MAGOH: variants seen among roughly 807,000 people sequenced by gnomAD.
MAGOH encodes the protein mago homolog, exon junction complex subunit, also known as protein mago nashi homolog.
Under a neutral mutation model 20.9 loss-of-function variants are expected in MAGOH, and 3 were observed. The observed-to-expected ratio is 0.14, with a 90% confidence interval of 0.07 to 0.37. The LOEUF (loss-of-function observed/expected upper bound fraction) is 0.37. Among genes scored for constraint, MAGOH ranks in the 10% least tolerant of loss-of-function variants. The pLI, the probability that MAGOH is intolerant of heterozygous loss-of-function variation, is 1.00. For missense variants in MAGOH, 66 were observed against 178.1 expected, an observed-to-expected ratio of 0.37 and a Z score of 3.58; for synonymous variants, 51 against 61.0, an observed-to-expected ratio of 0.84 and a Z score of 0.76.
In MAGOH at chr1:53,227,034, C is replaced by CAAAAATA; in HGVS notation, c.*10_*11insTATTTTT. 7.2e-7 allele frequency: 1 copy of CAAAAATA among 1,380,212 alleles called. No homozygotes were observed. Among genetic ancestry groups the CAAAAATA allele is most frequent in the South Asian group, 1.3e-5 (1 of 76,664 alleles). 85.5% of individuals were successfully genotyped at this position (1,380,212 alleles called of 1,614,324 possible). A position where few individuals can be genotyped will look rare whatever the true frequency, so the allele number is the denominator to read the frequency against. ...TCCCACCCACCCCCCATGTCCACACCAATATTCAGTCTAGATTGGTTTAAT... is the reference window on the plus strand; with the variant it reads ...TCCCACCCACCCCCCATGTCCACACCAAAAATAAATATTCAGTCTAGATTGGTTTAAT... On this transcript the variant is annotated 3_prime_UTR_variant, in exon 5 of 5. Coordinates refer to ENST00000371470, the MANE Select transcript of MAGOH (RefSeq NM_002370.4).
chr1:53,230,343 A>G (rs1440094913), intron 3 of MAGOH, among the ~76,000 whole-genome samples: 1 of 152,182 alleles, frequency 6.6e-6, no homozygotes, highest in East Asian at 1.9e-4. Flanking sequence ...TACAAAGTTT[A>G]TGTCCATCTC....
At chr1:53,228,041 A>AC (rs1452671579) in intron 4 of MAGOH, among the ~76,000 whole-genome samples, 1 of 152,206 alleles carries the variant, frequency 6.6e-6, no homozygotes, top group East Asian at 1.9e-4. Context: ...TCTTTGTAGC[A>AC]CATAGGTTCA....
At chr1:53,229,037 A>T in intron 3 of MAGOH, 83 bp from the exon 4 acceptor site, 1 of 948,780 alleles carries the variant, frequency 1.1e-6, no homozygotes, top group Non-Finnish European at 1.7e-6. Context: ...TTGCCAAATC[A>T]CACAAACTTG....
rs111942803 is a variant in MAGOH at position 53,227,232 on chromosome 1, T to C, written c.342-88A>G. ...AGGAAAAGACTATATATTAAAACGG[T>C]ATATTATGAGGTAATTTAAATATGC... On this transcript the variant is annotated intron_variant, in intron 4 of 4. Transcript: ENST00000371470. The C allele has an allele frequency of 1.3e-5, 8 of 603,756 alleles. No homozygotes were observed. In the African/African-American group the frequency reaches 1.6e-4, roughly 12 times the overall value. The allele number at this position is 603,756 out of a possible 1,614,324, so 37.4% of individuals were successfully genotyped here. A position where few individuals can be genotyped will look rare whatever the true frequency, so the allele number is the denominator to read the frequency against.
intron 3 of MAGOH, among the ~76,000 whole-genome samples, chr1:53,230,486 T>C (rs1187380492): frequency 6.6e-6 from 1 of 152,206 alleles, no homozygotes; most frequent in Non-Finnish European, 1.5e-5. Flanking sequence ...AGTAGGATCA[T>C]AGCTCACTGT....
intron 2 of MAGOH, among the ~76,000 whole-genome samples, chr1:53,234,890 A>G (rs956714674): frequency 1.3e-5 from 2 of 152,192 alleles, no homozygotes; most frequent in Non-Finnish European, 2.9e-5. Context: ...ATGTAGTAGA[A>G]ATCACAGAAC....
At position 53,238,332 on chromosome 1, in the gene MAGOH, G is replaced by T. The variant is rs753987893; in HGVS notation, c.88+29C>A. ...TCGCCGGCCCCCAGGCCTGGTCCCC[G>T]CTCCCGGCGGGCGGCAGGCTGCTTT... On this transcript the variant is annotated intron_variant, in intron 1 of 4. Coordinates refer to ENST00000371470, the MANE Select transcript of MAGOH (RefSeq NM_002370.4). 6.2e-6 allele frequency: 10 copies of T among 1,611,572 alleles called. No homozygotes were observed. In the South Asian group the frequency reaches 9.9e-5, roughly 16 times the overall value.
chr1:53,229,252 G>A (rs957592287), intron 3 of MAGOH, among the ~76,000 whole-genome samples: 1 of 150,894 alleles, frequency 6.6e-6, no homozygotes, highest in African/African-American at 2.4e-5. Context: ...AGGCTGGAGT[G>A]CACTGGCATG....
At chr1:53,228,086 T>C (rs778576526) in intron 4 of MAGOH, among the ~76,000 whole-genome samples, 1 of 152,162 alleles carries the variant, frequency 6.6e-6, no homozygotes, top group Non-Finnish European at 1.5e-5. Flanking sequence ...ACTGACAACA[T>C]GAATTTTAAA....
intron 3 of MAGOH, among the ~76,000 whole-genome samples, chr1:53,232,287 T>C (rs542503711): frequency 1.3e-5 from 2 of 152,212 alleles, no homozygotes; most frequent in African/African-American, 2.4e-5. Context: ...TTCATATTAA[T>C]TTAACAAATA....
chr1:53,233,844 C>A, intron 2 of MAGOH, 192 bp from the exon 3 acceptor site: 1 of 518,954 alleles, frequency 1.9e-6, no homozygotes, highest in Non-Finnish European at 3.5e-6. Context: ...GTAACTGCAC[C>A]TCAGTCCCCT....
In MAGOH at chr1:53,238,493, C is replaced by T. The variant is rs201700941; in HGVS notation, c.-45G>A. 1.9e-4 allele frequency: 296 copies of T among 1,557,212 alleles called. No homozygotes were observed. In the East Asian group the frequency reaches 6.4e-3, roughly 34 times the overall value. ...AGCCTGAACTTCCAAGAGCAAGCCG[C>T]ACTGCCGCCGTCTGCGCCCGACACT... is the stretch of plus-strand genomic sequence containing the variant. On this transcript the variant is annotated 5_prime_UTR_variant, in exon 1 of 5. Coordinates refer to ENST00000371470, the MANE Select transcript of MAGOH (RefSeq NM_002370.4).
chr1:53,230,633 G>C (rs1047143977), intron 3 of MAGOH, among the ~76,000 whole-genome samples: 2 of 151,164 alleles, frequency 1.3e-5, no homozygotes. Context: ...GTCTCACTGT[G>C]CTCAGGCTGG....
In MAGOH at chr1:53,227,144, C is replaced by A; in HGVS notation, c.342G>T (p.Lys114Asn). ...IGSLIDVNQSKDPEGLRVFYY... is the reference protein window; with the variant it reads ...IGSLIDVNQSNDPEGLRVFYY... ...AAAATACTCGTAAGCCTTCTGGATCCCTAAAATACAAAAGGAAAAAAGTTT... is the reference window on the plus strand; with the variant it reads ...AAAATACTCGTAAGCCTTCTGGATCACTAAAATACAAAAGGAAAAAAGTTT... The change falls in exon 5 of 5, where the codon AAG becomes AAT. Residue 114 changes from lysine to asparagine, a missense_variant and splice_region_variant. Lys to Asn is a moderately conservative substitution (Grantham distance 94). Transcript: ENST00000371470. 1.3e-6 allele frequency: 2 copies of A among 1,567,680 alleles called. No homozygotes were observed. The highest frequency in any genetic ancestry group is 1.7e-6 in the Non-Finnish European group (2 of 1,158,460).
chr1:53,237,382 C>G (rs1444255519), intron 1 of MAGOH, among the ~76,000 whole-genome samples: 1 of 151,530 alleles, frequency 6.6e-6, no homozygotes, highest in African/African-American at 2.4e-5. Context: ...TGCTTAAAAC[C>G]TTCCAAGCCC....
At position 53,227,153 on chromosome 1, in the gene MAGOH, CA is replaced by C; in HGVS notation, c.342-10del. 2 of 1,543,386 alleles carry C rather than the reference CA, an allele frequency of 1.3e-6. No individual in the cohort carries two copies. The highest frequency in any genetic ancestry group is 2.3e-5 in the East Asian group (1 of 43,230). ...GTAAGCCTTCTGGATCCCTAAAATACAAAAGGAAAAAAGTTTAGGCATTAAA... is the reference window on the plus strand; with the variant it reads ...GTAAGCCTTCTGGATCCCTAAAATACAAAGGAAAAAAGTTTAGGCATTAAA... On this transcript the variant is annotated splice_polypyrimidine_tract_variant and intron_variant, in intron 4 of 4. Coordinates refer to ENST00000371470, the MANE Select transcript of MAGOH (RefSeq NM_002370.4).
At chr1:53,234,145 C>T (rs1645599744) in intron 2 of MAGOH, among the ~76,000 whole-genome samples, 1 of 152,112 alleles carries the variant, frequency 6.6e-6, no homozygotes, top group Non-Finnish European at 1.5e-5. Flanking sequence ...GTTCTTTCAC[C>T]ATATGAGGAC....
chr1:53,238,019 T>G (rs1645621759), intron 1 of MAGOH, among the ~76,000 whole-genome samples: 1 of 152,212 alleles, frequency 6.6e-6, no homozygotes, highest in African/African-American at 2.4e-5. Flanking sequence ...TACCATGTTA[T>G]TTTTTGACCA....
chr1:53,227,009 TCCCA>T lies in MAGOH; in HGVS notation c.*32_*35del, dbSNP rs1425227667. On this transcript the variant is annotated 3_prime_UTR_variant, in exon 5 of 5. Coordinates refer to ENST00000371470, the MANE Select transcript of MAGOH (RefSeq NM_002370.4). ...CCCTGATATACACAAAATTTTCTAC[TCCCA>T]CCCACCCCCCATGTCCACACCAATA... 9 of 1,010,250 alleles carry T rather than the reference TCCCA, an allele frequency of 8.9e-6. No individual in the cohort carries two copies. Among genetic ancestry groups the T allele is most frequent in the African/African-American group, 1.7e-5 (1 of 60,068 alleles). 62.6% of individuals were successfully genotyped at this position (1,010,250 alleles called of 1,614,324 possible).
Sources: allele counts gnomAD v4.1 joint callset (sites outside exome capture counted in the v4.1 genomes callset), GRCh38; gene constraint gnomAD v4.1.1; transcripts MANE v1.5; gene names NCBI Gene and HGNC (gene_info 2026-07-23, HGNC 2026-07-21).